Variants in ZNF112 observed in about 807,000 individuals in gnomAD.
The protein encoded by ZNF112 is zinc finger protein 112 (Y14).
Under a neutral mutation model 77.7 loss-of-function variants are expected in ZNF112, and 37 were observed. The observed-to-expected ratio is 0.48, with a 90% CI of 0.37 to 0.63. The LOEUF is 0.63. ZNF112 is among the 20% of genes least tolerant of loss of function. The probability of loss-of-function intolerance (pLI) is 0.00; values close to 1 mark genes in which losing one functional copy is unlikely to be tolerated. For synonymous variants in ZNF112, 333 were observed against 363.6 expected (o/e 0.92, Z 0.96); for missense variants, 950 against 1,077.4 (o/e 0.88, Z 1.66).
Position 44,328,408 on chromosome 19 carries a change from C to A in ZNF112, c.1749G>T (p.Gly583=), listed in dbSNP as rs765209516. 6.2e-6 allele frequency: 10 copies of A among 1,613,360 alleles called. No homozygotes were observed. Among genetic ancestry groups the A allele is most frequent in the Non-Finnish European group, 8.5e-6 (10 of 1,179,850 alleles). The change falls in exon 4 of 4, where the codon GGG becomes GGT. Residue 583 remains glycine (G), a synonymous_variant. Coordinates refer to ENST00000354340, the MANE Select transcript of ZNF112 (RefSeq NM_013380.4). The part of the protein sequence containing the change: ...KPYKCEECGK[G]FSRNSYLQGH... ...CTTGAAGGTATGAATTTCGACTGAA[C>A]CCCTTCCCACATTCCTCACATTTAT...
Position 44,327,887 on chromosome 19 carries a change from C to A in ZNF112, c.2270G>T (p.Arg757Leu), listed in dbSNP as rs764107629. Residue 757 changes from arginine (R) to leucine (L), a missense_variant, in exon 4 of 4, where the codon CGC becomes CTC. Physicochemically the swap from Arg to Leu is moderately radical, Grantham distance 102. Transcript: ENST00000354340. ...GTGAACCCTCCGATGTGCTTCAAGGCGCGAACTCTGACTAAAGCCCTTCCC... is the reference window on the plus strand; with the variant it reads ...GTGAACCCTCCGATGTGCTTCAAGGAGCGAACTCTGACTAAAGCCCTTCCC... ...MCGKGFSQSS[R>L]LEAHRRVHTG... 1 of 1,613,434 alleles carries A rather than the reference C, an allele frequency of 6.2e-7. No individual in the cohort carries two copies. The highest frequency in any genetic ancestry group is 8.5e-7 in the Non-Finnish European group (1 of 1,179,854).
chr19:44,339,992 T>C (rs1225974666), intron 2 of ZNF112, among the ~76,000 whole-genome samples: 1 of 152,116 alleles, frequency 6.6e-6, no homozygotes, highest in Admixed American at 6.5e-5. Context: ...GCAAATAGGG[T>C]AAAATGTTAT....
At chr19:44,336,491 C>T (rs917593548) in intron 3 of ZNF112, 132 bp downstream of exon 3, 9 of 719,406 alleles carry the variant, frequency 1.3e-5, no homozygotes, top group Non-Finnish European at 1.9e-5. Flanking sequence ...TAATAGACCA[C>T]TTTAAGTACT....
intron 1 of ZNF112, among the ~76,000 whole-genome samples, chr19:44,365,372 A>G (rs2466422): frequency 0.5 from 76,025 of 151,544 alleles, 20,398 homozygotes; most frequent in South Asian, 0.62. Context: ...AGGTGGGAGG[A>G]TCAACTGAAC....
chr19:44,330,924 G>C lies in ZNF112; in HGVS notation c.221-988C>G, dbSNP rs148581929. Among the ~76,000 whole-genome samples, 904 of 152,234 alleles carry C rather than the reference G, an allele frequency of 5.9e-3. 25 individuals carry two copies. Among genetic ancestry groups the C allele is most frequent in the Admixed American group, 0.051 (780 of 15,294 alleles). The stretch of plus-strand genomic sequence containing the variant: ...ATAAACATGATAATGTTGTTCATTT[G>C]TAAGTGTACTGTGTGCGTTAAATGA... On this transcript the variant is annotated intron_variant, in intron 3 of 3. Transcript: ENST00000354340.
intron 3 of ZNF112, among the ~76,000 whole-genome samples, chr19:44,335,537 G>A (rs1242404821): frequency 2.0e-5 from 3 of 152,330 alleles, no homozygotes; most frequent in East Asian, 3.9e-4. Flanking sequence ...CCAGCTGACA[G>A]TATCAGGAAG....
chr19:44,345,628 A>T (rs1023276867), intron 1 of ZNF112, among the ~76,000 whole-genome samples: 3 of 152,224 alleles, frequency 2.0e-5, no homozygotes, highest in Non-Finnish European at 4.4e-5. Flanking sequence ...TGTTTGATAG[A>T]ATTAAAGCCT....
chr19:44,344,054 G>A (rs529122361), intron 1 of ZNF112, among the ~76,000 whole-genome samples: 1 of 152,142 alleles, frequency 6.6e-6, no homozygotes, highest in African/African-American at 2.4e-5. Flanking sequence ...CTGAGCTCAG[G>A]GGAAGTTCAG....
In ZNF112 at chr19:44,328,697, T is replaced by C; in HGVS notation, c.1460A>G (p.His487Arg). ...CTCCTTACGTGGTTTCTCTCCAATG[T>C]GAATTTTTGGATGACCTTGAAGATA... ...NLYLQGHPKI[H>R]IGEKPRKEHG... The change falls in exon 4 of 4, where the codon CAC becomes CGC. Residue 487 changes from histidine (H) to arginine (R), a missense_variant. Around this residue, in one of 3 missense-constraint regions of ZNF112, gnomAD observed 560 missense variants for 557.3 expected, o/e 1.00. Transcript: ENST00000354340. 1 of 1,614,078 alleles carries C rather than the reference T, an allele frequency of 6.2e-7. No individual in the cohort carries two copies. Among genetic ancestry groups the C allele is most frequent in the Non-Finnish European group, 8.5e-7 (1 of 1,179,964 alleles).
At chr19:44,347,497 T>G (rs1327328136) in intron 1 of ZNF112, among the ~76,000 whole-genome samples, 1 of 129,248 alleles carries the variant, frequency 7.7e-6, no homozygotes, top group Non-Finnish European at 1.8e-5. Flanking sequence ...TTTTTTTTTT[T>G]TTTTTTTTTA....
At chr19:44,337,684 GTA>G (rs1361648450) in intron 2 of ZNF112, among the ~76,000 whole-genome samples, 10 of 150,732 alleles carry the variant, frequency 6.6e-5, no homozygotes, top group African/African-American at 2.4e-4. Flanking sequence ...GCCAAAAAAC[GTA>G]TAGTGTTACG....
In ZNF112 at chr19:44,328,828, A is replaced by T. The variant is rs1182751796; in HGVS notation, c.1329T>A (p.Gly443=). The change falls in exon 4 of 4, where the codon GGT becomes GGA. Residue 443 remains glycine, a synonymous_variant. Coordinates refer to ENST00000354340, the MANE Select transcript of ZNF112 (RefSeq NM_013380.4). ...EENSYNSEEC[G]NGFSLASHFQ... Reference sequence around the variant, plus strand: ...AATGTGAGGCCAGACTGAAGCCATTACCACACTCCTCAGAATTATATGAAT... The same window carrying T: ...AATGTGAGGCCAGACTGAAGCCATTTCCACACTCCTCAGAATTATATGAAT... 6.2e-7 allele frequency: 1 copy of T among 1,614,008 alleles called. No homozygotes were observed. The highest frequency in any genetic ancestry group is 1.7e-5 in the Admixed American group (1 of 59,988).
chr19:44,328,031 T>A lies in ZNF112; in HGVS notation c.2126A>T (p.His709Leu). 6.2e-7 allele frequency: 1 copy of A among 1,614,040 alleles called. No homozygotes were observed. Among genetic ancestry groups the A allele is most frequent in the Non-Finnish European group, 8.5e-7 (1 of 1,179,980 alleles). The change falls in exon 4 of 4, where the codon CAT becomes CTT. Residue 709 changes from histidine (H) to leucine (L), a missense_variant. Physicochemically the swap from His to Leu is moderately conservative, Grantham distance 99 (BLOSUM62 -3). This residue lies in a region of ZNF112 where 373 missense variants were observed against 482.8 expected (regional missense o/e 0.77). Coordinates refer to ENST00000354340, the MANE Select transcript of ZNF112 (RefSeq NM_013380.4). ...ACATATATATGGTCTTTCTCCAGAATGGACACTCTGATGACTCTGAAGGTA... is the reference window on the plus strand; with the variant it reads ...ACATATATATGGTCTTTCTCCAGAAAGGACACTCTGATGACTCTGAAGGTA... ...RSYLQSHQSV[H>L]SGERPYICEV...
At position 44,336,542 on chromosome 19, in the gene ZNF112, T is replaced by G. The variant is rs1970369776; in HGVS notation, c.220+81A>C. Reference sequence around the variant, plus strand: ...GTGAAATGGGGAGCCACAGGAAAGCTTAAACAGAGAAGTGATGTGTTCTGA... The same window carrying G: ...GTGAAATGGGGAGCCACAGGAAAGCGTAAACAGAGAAGTGATGTGTTCTGA... On this transcript the variant is annotated intron_variant, in intron 3 of 3. Coordinates refer to ENST00000354340, the MANE Select transcript of ZNF112 (RefSeq NM_013380.4). The G allele has an allele frequency of 3.2e-6, 4 of 1,249,380 alleles. No individual in the cohort carries two copies. The Admixed American group carries it at 5.3e-5, about 17-fold the overall frequency. The allele number at this position is 1,249,380 out of a possible 1,614,324, so 77.4% of individuals were successfully genotyped here. A position where few individuals can be genotyped will look rare whatever the true frequency, so the allele number is the denominator to read the frequency against.
upstream of ZNF112, among the ~76,000 whole-genome samples, chr19:44,359,994 T>C (rs912791927): frequency 1.3e-5 from 2 of 152,078 alleles, no homozygotes; most frequent in African/African-American, 4.8e-5. Flanking sequence ...CGGTGGCTCA[T>C]GCCTGTAATC....
intron 1 of ZNF112, among the ~76,000 whole-genome samples, chr19:44,354,126 T>C (rs73556914): frequency 0.068 from 10,343 of 152,150 alleles, 455 homozygotes; most frequent in African/African-American, 0.12. Context: ...TGTTAACATA[T>C]AGCATCAGTT....
upstream of ZNF112, among the ~76,000 whole-genome samples, chr19:44,359,427 A>G (rs752932350): frequency 5.6e-5 from 8 of 143,102 alleles, no homozygotes; most frequent in Non-Finnish European, 9.0e-5. Context: ...GGCTTCAAGC[A>G]ATTCTCCTGC....
At chr19:44,340,147 T>C (rs1970463446) in intron 2 of ZNF112, among the ~76,000 whole-genome samples, 1 of 152,194 alleles carries the variant, frequency 6.6e-6, no homozygotes, top group African/African-American at 2.4e-5. Flanking sequence ...CAACAGTTAC[T>C]GGTGCCCTGA....
intron 1 of ZNF112, among the ~76,000 whole-genome samples, chr19:44,354,101 G>C (rs1970741067): frequency 6.6e-6 from 1 of 152,120 alleles, no homozygotes; most frequent in South Asian, 2.1e-4. Context: ...CTGAGTAAAA[G>C]AATCCGGTCT....
Sources: gnomAD v4.1 joint callset for allele counts (sites outside exome capture counted in the v4.1 genomes callset) on GRCh38, gnomAD v4.1.1 for gene constraint, gnomAD v4.1.1 regional missense constraint, MANE v1.5 for transcripts, NCBI Gene and HGNC (gene_info 2026-07-23, HGNC 2026-07-21) for gene names.